The following CTR9 variants were observed in gnomAD, a reference collection of about 807,000 sequenced individuals.
The protein encoded by CTR9 is RNA polymerase-associated protein CTR9 homolog.
A neutral mutation model predicts 152.1 loss-of-function variants in CTR9; 41 were observed. That is an observed-to-expected ratio of 0.27 (90% confidence interval 0.21 to 0.35). The LOEUF (loss-of-function observed/expected upper bound fraction) is 0.35, where lower values mean the gene tolerates loss of function less well. Ranked by LOEUF, CTR9 falls within the 10% of genes least tolerant of loss-of-function variation. The pLI is 1.00. For missense variants in CTR9, 917 were observed against 1,424.4 expected, an observed-to-expected ratio of 0.64 and a Z score of 5.73; for synonymous variants, 476 against 496.2, an observed-to-expected ratio of 0.96 and a Z score of 0.54.
chr11:10,774,324 C>A, intron 22 of CTR9, 155 bp downstream of exon 22: 4 of 837,580 alleles, frequency 4.8e-6, no homozygotes, highest in Non-Finnish European at 7.1e-6. Context: ...TAAGATAGAC[C>A]CCAGTACAAA....
chr11:10,773,963 C>G (rs768232068), intron 21 of CTR9, 49 bp from the exon 22 acceptor site: 1 of 1,377,074 alleles, frequency 7.3e-7, no homozygotes, highest in South Asian at 1.3e-5. Context: ...ATTCTAACCA[C>G]ATTCCACCAA....
intron 22 of CTR9, among the ~76,000 whole-genome samples, chr11:10,774,953 G>T (rs1016208948): frequency 6.6e-6 from 1 of 152,186 alleles, no homozygotes; most frequent in Admixed American, 6.5e-5. Context: ...CCAAGTGCAA[G>T]ATTCAAATGC....
At chr11:10,757,064 T>C (rs1170748911) in intron 5 of CTR9, among the ~76,000 whole-genome samples, 1 of 152,182 alleles carries the variant, frequency 6.6e-6, no homozygotes, top group Non-Finnish European at 1.5e-5. Context: ...GAGGCAGGAC[T>C]ACTTGAGCCC....
chr11:10,752,458 G>C (rs1391125382), intron 1 of CTR9, among the ~76,000 whole-genome samples: 1 of 152,212 alleles, frequency 6.6e-6, no homozygotes, highest in Non-Finnish European at 1.5e-5. Context: ...GGGACAAGTA[G>C]CAGGGTTTGT....
rs182104076 is a variant in CTR9, at chr11:10,779,501, T to C, written c.*396T>C. 18 of 171,750 alleles carry C rather than the reference T, an allele frequency of 1.0e-4. No individual in the cohort carries two copies. The highest frequency in any genetic ancestry group is 1.3e-5 in the Non-Finnish European group (1 of 79,422). The allele number at this position is 171,750 out of a possible 1,614,324, so 10.6% of individuals were successfully genotyped here. On this transcript the variant is annotated 3_prime_UTR_variant, in exon 25 of 25. Transcript: ENST00000361367. ...GTGGTGCACAAACTTGGTATTGATG[T>C]CTTTATTCCATTTTGAGTTTAGATT...
At chr11:10,762,108 A>G in intron 7 of CTR9, 54 bp downstream of exon 7, 1 of 1,010,778 alleles carries the variant, frequency 9.9e-7, no homozygotes, top group South Asian at 1.5e-5. Context: ...ACTGCAATTG[A>G]TATTTTATTT....
At chr11:10,752,916 G>A (rs1862828400) in intron 2 of CTR9, 146 bp downstream of exon 2, 1 of 658,272 alleles carries the variant, frequency 1.5e-6, no homozygotes, top group Non-Finnish European at 2.6e-6. Context: ...ATAATTTATG[G>A]AACAATAAGG....
chr11:10,764,512 T>G (rs183311594), intron 11 of CTR9, 36 bp from the exon 12 acceptor site: 2 of 1,605,100 alleles, frequency 1.2e-6, no homozygotes, highest in East Asian at 4.5e-5. Context: ...GTGTATAAAC[T>G]AAATCTTTTA....
Position 10,773,114 on chromosome 11 carries a change from TTTTTCCTCA to T in CTR9, c.2581-11_2581-3del, listed in dbSNP as rs1381927314. ...TTGCAGTGGGGTTTCTTTTCTACCATTTTTCCTCATAGGAAGAGAAACGTCTCAGAGAAA... is the reference window on the plus strand; with the variant it reads ...TTGCAGTGGGGTTTCTTTTCTACCATTAGGAAGAGAAACGTCTCAGAGAAA... On this transcript the variant is annotated splice_region_variant and splice_polypyrimidine_tract_variant and intron_variant, in intron 20 of 24. Coordinates refer to ENST00000361367, the MANE Select transcript of CTR9 (RefSeq NM_014633.5). 1 of 1,584,858 alleles carries T rather than the reference TTTTTCCTCA, an allele frequency of 6.3e-7. No homozygotes were observed. The highest frequency in any genetic ancestry group is 8.5e-7 in the Non-Finnish European group (1 of 1,172,860).
chr11:10,769,100 A>T (rs1863103345), intron 16 of CTR9, among the ~76,000 whole-genome samples: 2 of 152,124 alleles, frequency 1.3e-5, no homozygotes, highest in Admixed American at 1.3e-4. Context: ...ACGTGCCTGT[A>T]ATCCCAGCTT....
At chr11:10,770,368 A>G (rs758377056) in intron 17 of CTR9, 42 bp downstream of exon 17, 33 of 1,592,188 alleles carry the variant, frequency 2.1e-5, no homozygotes, top group South Asian at 2.2e-5. Context: ...TCTGTGCTAC[A>G]TTGTATTTTT....
At chr11:10,770,653 A>C in intron 18 of CTR9, 21 bp downstream of exon 18, 1 of 1,597,626 alleles carries the variant, frequency 6.3e-7, no homozygotes, top group Non-Finnish European at 8.5e-7. Context: ...TGTAGAAACA[A>C]CCTATGAAAT....
chr11:10,760,950 G>A (rs1460748832), intron 6 of CTR9, among the ~76,000 whole-genome samples: 1 of 152,160 alleles, frequency 6.6e-6, no homozygotes, highest in Non-Finnish European at 1.5e-5. Flanking sequence ...AAAGAGAAAG[G>A]ATAAAAAGGC....
chr11:10,759,607 T>C lies in CTR9; in HGVS notation c.593-566T>C, dbSNP rs1393100270. 9.2e-5 allele frequency among the ~76,000 whole-genome samples: 14 copies of C among 152,328 alleles called. No homozygotes were observed. The East Asian group carries it at 2.5e-3, about 27-fold the overall frequency. On this transcript the variant is annotated intron_variant, in intron 5 of 24. Transcript: ENST00000361367. ...TTTGTATAAGATGGCAGAACGTTTATGTGTAGATGAGAATGAATGATCCAG... is the reference window on the plus strand; with the variant it reads ...TTTGTATAAGATGGCAGAACGTTTACGTGTAGATGAGAATGAATGATCCAG...
intron 22 of CTR9, 156 bp downstream of exon 22, chr11:10,774,325 C>T (rs559844559): frequency 1.1e-5 from 9 of 830,544 alleles, no homozygotes; most frequent in South Asian, 2.3e-5. Flanking sequence ...AAGATAGACC[C>T]CAGTACAAAA....
intron 5 of CTR9, among the ~76,000 whole-genome samples, chr11:10,759,472 G>T (rs1028027877): frequency 6.6e-6 from 1 of 152,182 alleles, no homozygotes. Context: ...AAGAGAAAAT[G>T]GAAGGAAGGG....
intron 7 of CTR9, 100 bp from the exon 8 acceptor site, chr11:10,763,331 A>G: frequency 1.3e-6 from 1 of 780,044 alleles, no homozygotes; most frequent in Non-Finnish European, 2.2e-6. Context: ...AAGAAGATGG[A>G]AATGTATCTT....
chr11:10,760,343 C>G, intron 6 of CTR9, 22 bp downstream of exon 6: 1 of 1,603,668 alleles, frequency 6.2e-7, no homozygotes, highest in Non-Finnish European at 8.5e-7. Flanking sequence ...AAAAAAGTAT[C>G]TAGCTCCTAA....
chr11:10,759,400 G>A (rs1862938744), intron 5 of CTR9, among the ~76,000 whole-genome samples: 2 of 152,234 alleles, frequency 1.3e-5, no homozygotes, highest in African/African-American at 4.8e-5. Flanking sequence ...CAAATCCATA[G>A]TGACCTTGAT....
Sources: allele counts gnomAD v4.1 joint callset (sites outside exome capture counted in the v4.1 genomes callset), GRCh38; gene constraint gnomAD v4.1.1; transcripts MANE v1.5; gene names NCBI Gene and HGNC (gene_info 2026-07-23, HGNC 2026-07-21).